Variants in CDH22 observed in about 807,000 individuals in gnomAD.
CDH22 encodes the protein cadherin 22.
CDH22 carries 30 observed loss-of-function variants against 58.4 expected under a neutral mutation model. The ratio of observed to expected loss-of-function variants is 0.51; its 90% CI spans 0.38 to 0.70. CDH22 has a LOEUF of 0.70. CDH22 is among the 30% of genes least tolerant of loss of function. The probability of loss-of-function intolerance (pLI) is 0.00; values close to 1 mark genes in which losing one functional copy is unlikely to be tolerated. For synonymous variants in CDH22, 513 were observed against 558.2 expected (o/e 0.92, Z 1.14); for missense variants, 1,014 against 1,233.9 (o/e 0.82, Z 2.67).
intron 10 of CDH22, among the ~76,000 whole-genome samples, chr20:46,179,528 C>T (rs1217692186): frequency 1.3e-5 from 2 of 152,194 alleles, no homozygotes; most frequent in African/African-American, 4.8e-5. Context: ...AGATGCAGCA[C>T]GACTGGCTGT....
intron 11 of CDH22, among the ~76,000 whole-genome samples, chr20:46,175,489 TC>T (rs929306545): frequency 1.4e-4 from 21 of 152,118 alleles, no homozygotes; most frequent in African/African-American, 5.1e-4. Context: ...AAGATGTCCT[TC>T]ACCCTGACCT....
intron 2 of CDH22, among the ~76,000 whole-genome samples, chr20:46,245,073 G>A (rs2086318758): frequency 6.6e-6 from 1 of 152,122 alleles, no homozygotes; most frequent in Non-Finnish European, 1.5e-5. Flanking sequence ...ATAATATATG[G>A]AAGCTCCTTG....
intron 1 of CDH22, among the ~76,000 whole-genome samples, chr20:46,264,456 A>C (rs1364655326): frequency 6.6e-6 from 1 of 152,224 alleles, no homozygotes; most frequent in East Asian, 1.9e-4. Context: ...TAATAATAAG[A>C]GGTAACACTG....
At position 46,289,365 on chromosome 20, in the gene CDH22, G is replaced by T. The variant is rs577373312; in HGVS notation, c.-400+18890C>A. ...TATCACTATCTGATATATTATAAAT[G>T]GATGCCTCCTTTCTCTATAATGTGA... is the stretch of plus-strand genomic sequence containing the variant. On this transcript the variant is annotated intron_variant, in intron 1 of 11. Coordinates refer to ENST00000537909, the MANE Select transcript of CDH22 (RefSeq NM_021248.3). Among the ~76,000 whole-genome samples the T allele has an allele frequency of 7.9e-5, 12 of 152,248 alleles. No homozygotes were observed. The East Asian group carries it at 1.9e-3, about 24-fold the overall frequency.
intron 1 of CDH22, among the ~76,000 whole-genome samples, chr20:46,253,660 C>T (rs1385064780): frequency 6.6e-6 from 1 of 152,194 alleles, no homozygotes; most frequent in African/African-American, 2.4e-5. Flanking sequence ...CGTAATGAGA[C>T]TGGAGTTATG....
At chr20:46,260,824 C>T (rs1476348298) in intron 1 of CDH22, among the ~76,000 whole-genome samples, 7 of 152,222 alleles carry the variant, frequency 4.6e-5, no homozygotes, top group Non-Finnish European at 7.3e-5. Context: ...TCTGGCTTTC[C>T]GCCTATGGAC....
intron 3 of CDH22, among the ~76,000 whole-genome samples, chr20:46,238,423 C>A (rs896717577): frequency 3.3e-5 from 5 of 152,198 alleles, no homozygotes; most frequent in African/African-American, 4.8e-5. Flanking sequence ...TTCCATATGT[C>A]TTTGCCATTG....
intron 1 of CDH22, among the ~76,000 whole-genome samples, chr20:46,292,916 T>TTGTGTG (rs74176860): frequency 0.041 from 5,960 of 143,870 alleles, 157 homozygotes; most frequent in Admixed American, 0.072. Flanking sequence ...CAGCCACTGG[T>TTGTGTG]TGTGTGTGTG....
intron 4 of CDH22, among the ~76,000 whole-genome samples, chr20:46,217,363 C>T (rs2086093427): frequency 2.0e-5 from 3 of 152,136 alleles, no homozygotes; most frequent in Admixed American, 2.0e-4. Context: ...TCTACAGATA[C>T]ATTCACACAG....
At chr20:46,194,250 G>C (rs1431806133) in intron 8 of CDH22, among the ~76,000 whole-genome samples, 1 of 152,176 alleles carries the variant, frequency 6.6e-6, no homozygotes, top group Non-Finnish European at 1.5e-5. Context: ...GCTGGGGTGG[G>C]TGACAAGAGG....
chr20:46,302,976 C>T (rs2086658716), intron 1 of CDH22, among the ~76,000 whole-genome samples: 2 of 152,124 alleles, frequency 1.3e-5, no homozygotes, highest in African/African-American at 2.4e-5. Context: ...ACCAGCAGCC[C>T]GGGACCTGGT....
rs1013357130 is a variant in CDH22, at chr20:46,251,481, G to A, written c.-187C>T. ...ACGCCGCCCAGCCGCGGGGGTACCC[G>A]GCTGGAGGGGGAGGGGGCGCGGCCG... On this transcript the variant is annotated 5_prime_UTR_variant, in exon 2 of 12. Coordinates refer to ENST00000537909, the MANE Select transcript of CDH22 (RefSeq NM_021248.3). The surrounding 1 kb of genome is among the most constrained non-coding windows in gnomAD (Gnocchi z 6.7). The A allele has an allele frequency of 2.9e-5, 16 of 553,936 alleles. No individual in the cohort carries two copies. Among genetic ancestry groups the A allele is most frequent in the African/African-American group, 9.9e-5 (5 of 50,296 alleles). 34.3% of individuals were successfully genotyped at this position (553,936 alleles called of 1,614,324 possible).
intron 1 of CDH22, among the ~76,000 whole-genome samples, chr20:46,266,779 A>G (rs941632785): frequency 6.6e-6 from 1 of 152,144 alleles, no homozygotes; most frequent in Non-Finnish European, 1.5e-5. Context: ...TGCAGTTCTC[A>G]GGGCTCATCA....
chr20:46,220,479 A>C (rs2086115806), intron 4 of CDH22: 1 of 152,916 alleles, frequency 6.5e-6, no homozygotes, highest in Non-Finnish European at 1.5e-5. Context: ...GGAAAGGTGG[A>C]GAGGGAGTGA....
intron 1 of CDH22, among the ~76,000 whole-genome samples, chr20:46,252,440 C>G (rs1206502010): frequency 6.6e-6 from 1 of 152,254 alleles, no homozygotes; most frequent in Non-Finnish European, 1.5e-5. Context: ...CTGCCGTCCC[C>G]AGATCCATCC....
intron 1 of CDH22, among the ~76,000 whole-genome samples, chr20:46,263,223 A>T (rs1040913276): frequency 2.0e-5 from 3 of 152,212 alleles, no homozygotes; most frequent in Non-Finnish European, 4.4e-5. Context: ...GGATGAATGG[A>T]TGAACGGAAG....
At chr20:46,287,367 G>T (rs988800080) in intron 1 of CDH22, among the ~76,000 whole-genome samples, 1 of 152,150 alleles carries the variant, frequency 6.6e-6, no homozygotes, top group African/African-American at 2.4e-5. Context: ...TAAAACATGC[G>T]ATGATGACTA....
chr20:46,233,012 G>C lies in CDH22; in HGVS notation c.551-5385C>G, dbSNP rs11907774. ...AGGGTCAGAGGGACAGAAGTTCGTGGGGCAGAGACAGACAGAAAGCAGTAG... is the reference window on the plus strand; with the variant it reads ...AGGGTCAGAGGGACAGAAGTTCGTGCGGCAGAGACAGACAGAAAGCAGTAG... On this transcript the variant is annotated intron_variant, in intron 3 of 11. Coordinates refer to ENST00000537909, the MANE Select transcript of CDH22 (RefSeq NM_021248.3). Among the ~76,000 whole-genome samples, 687 of 152,300 alleles carry C rather than the reference G, an allele frequency of 4.5e-3. 9 individuals carry two copies. Among genetic ancestry groups the C allele is most frequent in the African/African-American group, 0.016 (656 of 41,546 alleles).
chr20:46,254,415 C>T (rs1429713762), intron 1 of CDH22, among the ~76,000 whole-genome samples: 1 of 151,876 alleles, frequency 6.6e-6, no homozygotes, highest in East Asian at 1.9e-4. Context: ...ATTAGCCAGG[C>T]ATGGTGGTGG....
Sources: allele counts gnomAD v4.1 joint callset (sites outside exome capture counted in the v4.1 genomes callset), GRCh38; gene constraint gnomAD v4.1.1; non-coding constraint Gnocchi (gnomAD v3.1); transcripts MANE v1.5; gene names NCBI Gene and HGNC (gene_info 2026-07-23, HGNC 2026-07-21).